Variants in LARGE1 observed in about 807,000 individuals in gnomAD.
The protein encoded by LARGE1 is LARGE xylosyl- and glucuronyltransferase 1, also known as xylosyl- and glucuronyltransferase LARGE1.
Under a neutral mutation model 87.6 loss-of-function variants are expected in LARGE1, and 43 were observed. That is an observed-to-expected ratio of 0.49 (90% CI 0.38 to 0.63). The LOEUF is 0.63. LARGE1 is among the 30% of genes least tolerant of loss of function. The pLI is 0.00. For synonymous variants in LARGE1, 434 were observed against 394.6 expected, an observed-to-expected ratio of 1.10 and a Z score of -1.18; for missense variants, 802 against 1,000.2, an observed-to-expected ratio of 0.80 and a Z score of 2.67.
At chr22:33,511,941 T>TCC in intron 6 of LARGE1, among the ~76,000 whole-genome samples, 1 of 152,228 alleles carries the variant, frequency 6.6e-6, no homozygotes, top group Admixed American at 6.5e-5. Context: ...ATCTCTTTAT[T>TCC]GTACCTGAGG....
chr22:33,863,263 G>A (rs924765111), intron 1 of LARGE1, among the ~76,000 whole-genome samples: 1 of 152,148 alleles, frequency 6.6e-6, no homozygotes, highest in Admixed American at 6.5e-5. Context: ...AGGTAATTGA[G>A]GCAAAGCATT....
At chr22:33,433,774 C>G (rs867255250) in intron 6 of LARGE1, among the ~76,000 whole-genome samples, 3 of 152,206 alleles carry the variant, frequency 2.0e-5, no homozygotes, top group Admixed American at 1.3e-4. Flanking sequence ...ACCTTTCTGA[C>G]CAAATGGAAG....
chr22:33,861,358 C>T (rs2063913101), intron 1 of LARGE1, among the ~76,000 whole-genome samples: 1 of 152,022 alleles, frequency 6.6e-6, no homozygotes, highest in Non-Finnish European at 1.5e-5. Context: ...ACTCGGCTAG[C>T]TGTTCCTCAC....
At chr22:33,548,907 G>A (rs2077443168) in intron 6 of LARGE1, among the ~76,000 whole-genome samples, 1 of 152,180 alleles carries the variant, frequency 6.6e-6, no homozygotes, top group Non-Finnish European at 1.5e-5. Flanking sequence ...TGACATCTAA[G>A]CAGTAACGAA....
At chr22:33,495,413 C>T (rs967458402) in intron 6 of LARGE1, among the ~76,000 whole-genome samples, 2 of 152,192 alleles carry the variant, frequency 1.3e-5, no homozygotes, top group Non-Finnish European at 2.9e-5. Flanking sequence ...GTAGCACTTG[C>T]CCAGGACAGA....
At chr22:33,481,100 A>C (rs1347757047) in intron 6 of LARGE1, among the ~76,000 whole-genome samples, 2 of 152,060 alleles carry the variant, frequency 1.3e-5, no homozygotes, top group Non-Finnish European at 2.9e-5. Context: ...CATATTTTAA[A>C]ACTTAGATAC....
chr22:33,829,739 A>G (rs1408471367), intron 1 of LARGE1, among the ~76,000 whole-genome samples: 1 of 152,164 alleles, frequency 6.6e-6, no homozygotes, highest in Non-Finnish European at 1.5e-5. Context: ...TCCAGCCACC[A>G]TCTGGCTGTT....
intron 5 of LARGE1, among the ~76,000 whole-genome samples, chr22:33,566,869 C>T (rs888190575): frequency 2.0e-5 from 3 of 152,134 alleles, no homozygotes; most frequent in Non-Finnish European, 2.9e-5. Context: ...ACAATCCTTT[C>T]GCTAGACATA....
intron 6 of LARGE1, among the ~76,000 whole-genome samples, chr22:33,517,168 G>A (rs184521663): frequency 6.6e-6 from 1 of 152,192 alleles, no homozygotes; most frequent in Non-Finnish European, 1.5e-5. Flanking sequence ...TGATTCCAGA[G>A]CTATACACCT....
At chr22:33,831,908 G>A (rs1024525762) in intron 1 of LARGE1, among the ~76,000 whole-genome samples, 1 of 152,156 alleles carries the variant, frequency 6.6e-6, no homozygotes, top group Non-Finnish European at 1.5e-5. Flanking sequence ...TTTCCAAGTC[G>A]TAAGCTTCTG....
In LARGE1 at chr22:33,650,432, G is replaced by A. The variant is rs779336716; in HGVS notation, c.343C>T (p.Arg115Trp). The change falls in exon 3 of 15, where the codon CGG becomes TGG. Residue 115 changes from arginine (R) to tryptophan (W), a missense_variant. This residue lies in a region of LARGE1 where 177 missense variants were observed against 158.3 expected (regional missense o/e 1.12). Coordinates refer to ENST00000397394, the MANE Select transcript of LARGE1 (RefSeq NM_133642.5). ...EEGTGDSENL[R>W]AGIVAGNSSE... ...CTGTTGCCTGCCACGATGCCAGCCC[G>A]AAGGTTCTCGCTGTCTCCAGTGCCC... is the stretch of plus-strand genomic sequence containing the variant. 6.2e-7 allele frequency: 1 copy of A among 1,614,026 alleles called. No homozygotes were observed. The highest frequency in any genetic ancestry group is 1.3e-5 in the African/African-American group (1 of 74,942).
intron 1 of LARGE1, among the ~76,000 whole-genome samples, chr22:33,849,801 G>A (rs906402903): frequency 2.6e-5 from 4 of 151,820 alleles, no homozygotes; most frequent in Admixed American, 6.6e-5. Flanking sequence ...GGGTTTCACC[G>A]TGTTGGCCAG....
chr22:33,277,952 A>ACT (rs1929666877), intron 13 of LARGE1, among the ~76,000 whole-genome samples: 1 of 151,640 alleles, frequency 6.6e-6, no homozygotes, highest in Non-Finnish European at 1.5e-5. Context: ...GTCCCCCATG[A>ACT]CTCTCACCCT....
intron 1 of LARGE1, among the ~76,000 whole-genome samples, chr22:33,824,050 G>A (rs2062711777): frequency 6.6e-6 from 1 of 152,124 alleles, no homozygotes. Context: ...ATCCTTTAAG[G>A]CTGATATCAT....
At chr22:33,872,329 G>T (rs9621787) in intron 1 of LARGE1, among the ~76,000 whole-genome samples, 23,234 of 150,560 alleles carry the variant, frequency 0.15, 1,896 homozygotes, top group South Asian at 0.31. Context: ...AACCTTCCAT[G>T]GCACAGAGCA....
chr22:33,726,882 T>C (rs192680959), intron 2 of LARGE1, among the ~76,000 whole-genome samples: 38 of 150,014 alleles, frequency 2.5e-4, no homozygotes, highest in Non-Finnish European at 4.5e-5. Context: ...TATCTACCTC[T>C]CTGCTCAATA....
chr22:33,196,360 A>G (rs1289963538), intron 11 of LARGE1, among the ~76,000 whole-genome samples: 1 of 152,194 alleles, frequency 6.6e-6, no homozygotes, highest in African/African-American at 2.4e-5. Flanking sequence ...TGAAGCAAAT[A>G]TCATGAACAA....
intron 2 of LARGE1, among the ~76,000 whole-genome samples, chr22:33,756,237 C>T (rs1028644154): frequency 6.6e-6 from 1 of 152,094 alleles, no homozygotes; most frequent in South Asian, 2.1e-4. Flanking sequence ...CACATGTGTT[C>T]GTTCACTCAT....
At position 33,302,670 on chromosome 22, in the gene LARGE1, A is replaced by AG. The variant is rs1569030945; in HGVS notation, c.1730+1558dup. Among the ~76,000 whole-genome samples the AG allele has an allele frequency of 2.0e-4, 30 of 152,218 alleles. 1 individual carries two copies. Among genetic ancestry groups the AG allele is most frequent in the African/African-American group, 6.7e-4 (28 of 41,504 alleles). The stretch of plus-strand genomic sequence containing the variant: ...TAAGAGACAGAGAGACGGAGTCAGA[A>AG]GGAGGGAGGGAGAGCAAGAGAACGA... On this transcript the variant is annotated intron_variant, in intron 12 of 14. Transcript: ENST00000397394.
Sources: gnomAD v4.1 joint callset for allele counts (sites outside exome capture counted in the v4.1 genomes callset) on GRCh38, gnomAD v4.1.1 for gene constraint, gnomAD v4.1.1 regional missense constraint, MANE v1.5 for transcripts, NCBI Gene and HGNC (gene_info 2026-07-23, HGNC 2026-07-21) for gene names.